The following DPYD variants were observed in gnomAD, a reference collection of about 807,000 sequenced individuals.
DPYD encodes the protein dihydropyrimidine dehydrogenase.
In DPYD, 109 loss-of-function variants were observed where a neutral mutation model predicts 116.2. That is an observed-to-expected ratio of 0.94 (90% CI 0.80 to 1.10). The LOEUF is 1.10. DPYD is among the 50% of genes least tolerant of loss of function. The pLI, the probability that DPYD is intolerant of heterozygous loss-of-function variation, is 0.00. For synonymous variants in DPYD, 440 were observed against 432.0 expected (o/e 1.02, Z -0.23); for missense variants, 1,302 against 1,254.5 (o/e 1.04, Z -0.57).
intron 3 of DPYD, among the ~76,000 whole-genome samples, chr1:97,751,299 C>T (rs1171973964): frequency 6.7e-6 from 1 of 148,286 alleles, no homozygotes; most frequent in African/African-American, 2.5e-5. Context: ...TATACACACA[C>T]ATATATATAC....
chr1:97,536,856 T>C (rs1350475453), intron 12 of DPYD, among the ~76,000 whole-genome samples: 5 of 152,194 alleles, frequency 3.3e-5, no homozygotes, highest in African/African-American at 1.2e-4. Context: ...GGCTTTCCCA[T>C]TAGCTTCCTG....
At chr1:97,419,687 A>G (rs576406763) in intron 14 of DPYD, among the ~76,000 whole-genome samples, 3 of 152,298 alleles carry the variant, frequency 2.0e-5, no homozygotes, top group Non-Finnish European at 4.4e-5. Context: ...CAAAAAGATA[A>G]TATTAAGCAT....
intron 10 of DPYD, among the ~76,000 whole-genome samples, chr1:97,579,598 C>T (rs1351459540): frequency 6.6e-6 from 1 of 152,250 alleles, no homozygotes; most frequent in Non-Finnish European, 1.5e-5. Flanking sequence ...GTAATTCACA[C>T]ATGTCAGTGT....
chr1:97,649,157 T>C (rs1202581521), intron 8 of DPYD, among the ~76,000 whole-genome samples: 4 of 152,114 alleles, frequency 2.6e-5, no homozygotes, highest in African/African-American at 9.6e-5. Context: ...TTTGCCTACA[T>C]ATTGCAGTGT....
chr1:97,253,605 T>A (rs1663254785), intron 18 of DPYD, among the ~76,000 whole-genome samples: 1 of 152,122 alleles, frequency 6.6e-6, no homozygotes. Context: ...TCATTTCCCA[T>A]CACTATTAGC....
chr1:97,314,496 T>C (rs1174455559), intron 16 of DPYD, among the ~76,000 whole-genome samples: 4 of 150,102 alleles, frequency 2.7e-5, no homozygotes, highest in South Asian at 2.1e-4. Context: ...CTTTCTTTTT[T>C]TTTTTTTTTT....
At chr1:97,694,926 C>T (rs1201630744) in intron 6 of DPYD, among the ~76,000 whole-genome samples, 2 of 152,146 alleles carry the variant, frequency 1.3e-5, no homozygotes, top group African/African-American at 4.8e-5. Context: ...TATATGTAAG[C>T]TTTCAATGAT....
chr1:97,508,465 A>G (rs1647525451), intron 13 of DPYD, among the ~76,000 whole-genome samples: 1 of 151,970 alleles, frequency 6.6e-6, no homozygotes, highest in Non-Finnish European at 1.5e-5. Flanking sequence ...TGTTAAATCA[A>G]AATGCTCTCT....
intron 18 of DPYD, among the ~76,000 whole-genome samples, chr1:97,285,824 T>C (rs747598230): frequency 1.3e-5 from 2 of 152,022 alleles, no homozygotes; most frequent in African/African-American, 4.8e-5. Context: ...TTATCCTCTA[T>C]GTCTTCATAT....
intron 8 of DPYD, among the ~76,000 whole-genome samples, chr1:97,644,612 T>C (rs942419641): frequency 2.0e-5 from 3 of 150,368 alleles, no homozygotes; most frequent in African/African-American, 7.4e-5. Context: ...TTTTGTTTTT[T>C]GTTTTTGTTT....
At chr1:97,800,501 T>G (rs1044432640) in intron 3 of DPYD, among the ~76,000 whole-genome samples, 5 of 151,856 alleles carry the variant, frequency 3.3e-5, no homozygotes, top group African/African-American at 1.2e-4. Flanking sequence ...GAACTTAACT[T>G]CTTTGGTCAA....
intron 12 of DPYD, among the ~76,000 whole-genome samples, chr1:97,534,844 C>A (rs1342716188): frequency 6.6e-6 from 1 of 151,880 alleles, no homozygotes; most frequent in African/African-American, 2.4e-5. Flanking sequence ...AAACAATCAA[C>A]CATAATGGGT....
At chr1:97,846,053 T>C (rs1670284736) in intron 2 of DPYD, among the ~76,000 whole-genome samples, 1 of 152,158 alleles carries the variant, frequency 6.6e-6, no homozygotes. Flanking sequence ...TGGGCAGGTA[T>C]GGGATCCAGA....
intron 3 of DPYD, among the ~76,000 whole-genome samples, chr1:97,824,854 G>A (rs563473512): frequency 6.6e-6 from 1 of 152,054 alleles, no homozygotes. Context: ...CACTATTCTT[G>A]GAAATCATAT....
At chr1:97,886,380 G>A (rs1672487000) in intron 1 of DPYD, among the ~76,000 whole-genome samples, 1 of 151,976 alleles carries the variant, frequency 6.6e-6, no homozygotes, top group Admixed American at 6.6e-5. Flanking sequence ...GACAGGTCAG[G>A]AGTTCTGTTA....
At chr1:97,385,880 T>C (rs1672315845) in intron 14 of DPYD, among the ~76,000 whole-genome samples, 1 of 152,164 alleles carries the variant, frequency 6.6e-6, no homozygotes, top group African/African-American at 2.4e-5. Context: ...AACAGAGCTA[T>C]TTTTGCTTCA....
intron 14 of DPYD, among the ~76,000 whole-genome samples, chr1:97,401,609 C>A (rs375809307): frequency 4.6e-5 from 7 of 152,178 alleles, no homozygotes; most frequent in Middle Eastern, 3.4e-3. Flanking sequence ...CCACTGCGCC[C>A]AGCCAGAGTT....
At chr1:97,678,044 T>C (rs1660239622) in intron 8 of DPYD, among the ~76,000 whole-genome samples, 1 of 152,112 alleles carries the variant, frequency 6.6e-6, no homozygotes, top group Non-Finnish European at 1.5e-5. Flanking sequence ...TCCCCAACCT[T>C]TTTGGCACCA....
chr1:97,452,996 T>C (rs1019472651), intron 13 of DPYD, among the ~76,000 whole-genome samples: 1 of 152,160 alleles, frequency 6.6e-6, no homozygotes, highest in Non-Finnish European at 1.5e-5. Flanking sequence ...TCCATTTGTC[T>C]AGAATTGGGT....
Sources: gnomAD v4.1 joint callset for allele counts (sites outside exome capture counted in the v4.1 genomes callset) on GRCh38, gnomAD v4.1.1 for gene constraint, MANE v1.5 for transcripts, NCBI Gene and HGNC (gene_info 2026-07-23, HGNC 2026-07-21) for gene names.